Variants in MIPEP observed in about 807,000 individuals in gnomAD.
MIPEP encodes mitochondrial intermediate peptidase.
Under a neutral mutation model 90.3 loss-of-function variants are expected in MIPEP, and 79 were observed. That is an observed-to-expected ratio of 0.87 (90% CI 0.73 to 1.05). The LOEUF (loss-of-function observed/expected upper bound fraction) is 1.05. MIPEP is among the 50% of genes least tolerant of loss of function. MIPEP has a pLI of 0.00. For synonymous variants in MIPEP, 334 were observed against 315.8 expected, an observed-to-expected ratio of 1.06 and a Z score of -0.61; for missense variants, 940 against 905.6, an observed-to-expected ratio of 1.04 and a Z score of -0.49.
chr13:23,756,704 A>G (rs1952494468), intron 17 of MIPEP, 86 bp from the exon 18 acceptor site: 2 of 1,303,870 alleles, frequency 1.5e-6, no homozygotes, highest in East Asian at 2.3e-5. Context: ...AGCCACACTG[A>G]TGCCATATTC....
At chr13:23,868,636 CA>C (rs924805859) in intron 7 of MIPEP, among the ~76,000 whole-genome samples, 2 of 152,144 alleles carry the variant, frequency 1.3e-5, no homozygotes, top group African/African-American at 4.8e-5. Flanking sequence ...GAGTCTCACG[CA>C]GCTCCATCAT....
At chr13:23,820,336 G>A (rs971187811) in intron 14 of MIPEP, among the ~76,000 whole-genome samples, 1 of 152,150 alleles carries the variant, frequency 6.6e-6, no homozygotes, top group African/African-American at 2.4e-5. Flanking sequence ...CCAGTTATTA[G>A]CATATTAAAT....
At chr13:23,801,006 A>G (rs1953032097) in intron 16 of MIPEP, among the ~76,000 whole-genome samples, 1 of 152,260 alleles carries the variant, frequency 6.6e-6, no homozygotes, top group Non-Finnish European at 1.5e-5. Flanking sequence ...ATCACTGTCT[A>G]AAAGTTTGTA....
In MIPEP at chr13:23,889,389, C is replaced by G. The variant is rs1213234249; in HGVS notation, c.-69G>C. 1 of 1,224,922 alleles carries G rather than the reference C, an allele frequency of 8.2e-7. No homozygotes were observed. Among genetic ancestry groups the G allele is most frequent in the Non-Finnish European group, 1.0e-6 (1 of 977,156 alleles). 75.9% of individuals were successfully genotyped at this position (1,224,922 alleles called of 1,614,324 possible). On this transcript the variant is annotated 5_prime_UTR_variant, in exon 1 of 19. Coordinates refer to ENST00000382172, the MANE Select transcript of MIPEP (RefSeq NM_005932.4). Reference sequence around the variant, plus strand: ...CTGCTGCTTTCGCTGGGAGCGCGCGCTCCGCGTTTCCAAGGCAGCAGCCCA... The same window carrying G: ...CTGCTGCTTTCGCTGGGAGCGCGCGGTCCGCGTTTCCAAGGCAGCAGCCCA...
In MIPEP at chr13:23,888,420, C is replaced by T. The variant is rs144590404; in HGVS notation, c.189+712G>A. The stretch of plus-strand genomic sequence containing the variant: ...GGCAAAAATAAAAGTAATCCTTAAC[C>T]TAAAACGGACAAAATGTACAAACTC... On this transcript the variant is annotated intron_variant, in intron 1 of 18. Transcript: ENST00000382172. Among the ~76,000 whole-genome samples, 13 of 152,072 alleles carry T rather than the reference C, an allele frequency of 8.5e-5. No homozygotes were observed. The East Asian group carries it at 1.9e-3, about 23-fold the overall frequency.
intron 18 of MIPEP, among the ~76,000 whole-genome samples, chr13:23,746,015 C>CT (rs34752143): frequency 0.68 from 91,502 of 134,936 alleles, 32,450 homozygotes; most frequent in East Asian, 0.97. Flanking sequence ...ACTCAGCACA[C>CT]TTTTTTTTTT....
At chr13:23,802,691 G>A (rs557078886) in intron 16 of MIPEP, among the ~76,000 whole-genome samples, 58 of 152,154 alleles carry the variant, frequency 3.8e-4, no homozygotes, top group Non-Finnish European at 7.2e-4. Context: ...CCAACTTAAA[G>A]ATTTTTTAAC....
At chr13:23,870,319 T>A (rs1593202402) in intron 5 of MIPEP, 124 bp from the exon 6 acceptor site, 1 of 460,706 alleles carries the variant, frequency 2.2e-6, no homozygotes, top group Non-Finnish European at 3.6e-6. Flanking sequence ...TAATAAAATA[T>A]TAGTTTAGTA....
chr13:23,761,045 CAA>C (rs1952537166), intron 16 of MIPEP, among the ~76,000 whole-genome samples: 2 of 149,430 alleles, frequency 1.3e-5, no homozygotes, highest in African/African-American at 2.5e-5. Flanking sequence ...TATGACAAAA[CAA>C]AAAGTCACAG....
Position 23,824,169 on chromosome 13 carries a change from T to C in MIPEP, c.1653+12071A>G, listed in dbSNP as rs1593174853. 2.6e-5 allele frequency among the ~76,000 whole-genome samples: 4 copies of C among 152,376 alleles called. No individual in the cohort carries two copies. The South Asian group carries it at 8.3e-4, about 32-fold the overall frequency. On this transcript the variant is annotated intron_variant, in intron 14 of 18. Coordinates refer to ENST00000382172, the MANE Select transcript of MIPEP (RefSeq NM_005932.4). ...CCTGAATTCTCTGAATATTTTGTCA[T>C]GAGCTTAAGTTGTAAGCATGTAATC... is the stretch of plus-strand genomic sequence containing the variant.
At chr13:23,798,924 A>G (rs1952996735) in intron 16 of MIPEP, among the ~76,000 whole-genome samples, 1 of 151,684 alleles carries the variant, frequency 6.6e-6, no homozygotes, top group Admixed American at 6.6e-5. Flanking sequence ...ATTTATTTGT[A>G]GCAACGTGAG....
At chr13:23,809,990 C>A (rs9510869) in intron 14 of MIPEP, 66 bp from the exon 15 acceptor site, 1 of 878,010 alleles carries the variant, frequency 1.1e-6, no homozygotes, top group Non-Finnish European at 1.8e-6. Flanking sequence ...TATGTATAAG[C>A]CAGGAAATTT....
At chr13:23,775,044 C>T (rs1027046337) in intron 16 of MIPEP, among the ~76,000 whole-genome samples, 1 of 151,886 alleles carries the variant, frequency 6.6e-6, no homozygotes, top group African/African-American at 2.4e-5. Flanking sequence ...AATGATCCAC[C>T]TGCCTTGGTC....
intron 16 of MIPEP, among the ~76,000 whole-genome samples, chr13:23,762,654 G>GA (rs1266116408): frequency 2.0e-5 from 3 of 152,232 alleles, no homozygotes; most frequent in Non-Finnish European, 4.4e-5. Flanking sequence ...CCTCCTTGGG[G>GA]ATGCAGCCAG....
At chr13:23,758,037 T>A (rs2138513394) in intron 17 of MIPEP, among the ~76,000 whole-genome samples, 1 of 152,302 alleles carries the variant, frequency 6.6e-6, no homozygotes, top group East Asian at 1.9e-4. Context: ...CATTACAGTA[T>A]CAAAAACATG....
chr13:23,857,549 G>A (rs1388276614), intron 10 of MIPEP, among the ~76,000 whole-genome samples: 3 of 152,100 alleles, frequency 2.0e-5, no homozygotes, highest in Admixed American at 6.5e-5. Flanking sequence ...TGGCCTGGGC[G>A]ACAAAGTGAG....
intron 18 of MIPEP, among the ~76,000 whole-genome samples, chr13:23,731,849 A>G (rs1952208768): frequency 6.6e-6 from 1 of 152,158 alleles, no homozygotes; most frequent in African/African-American, 2.4e-5. Flanking sequence ...TTCACAGAAG[A>G]TATCTGAATA....
In MIPEP at chr13:23,833,526, T is replaced by C. The variant is rs138192123; in HGVS notation, c.1653+2714A>G. Among the ~76,000 whole-genome samples the C allele has an allele frequency of 7.5e-4, 115 of 152,352 alleles. 1 individual carries two copies. In the South Asian group the frequency reaches 8.3e-3, roughly 11 times the overall value. On this transcript the variant is annotated intron_variant, in intron 14 of 18. Transcript: ENST00000382172. ...TTAGATTTTGGGTTTACTCTTGTTT[T>C]CTTGCATCTAGTTCAACAATACATC... is the stretch of plus-strand genomic sequence containing the variant.
intron 14 of MIPEP, among the ~76,000 whole-genome samples, chr13:23,816,876 GA>G: frequency 6.6e-6 from 1 of 152,278 alleles, no homozygotes; most frequent in South Asian, 2.1e-4. Context: ...AGATATTCCA[GA>G]TTGATATTCC....
Sources: allele counts gnomAD v4.1 joint callset (sites outside exome capture counted in the v4.1 genomes callset), GRCh38; gene constraint gnomAD v4.1.1; transcripts MANE v1.5; gene names NCBI Gene and HGNC (gene_info 2026-07-23, HGNC 2026-07-21).